DNAH10: variants seen among roughly 807,000 people sequenced by gnomAD.
DNAH10 encodes dynein axonemal heavy chain 10.
Under a neutral mutation model 506.6 loss-of-function variants are expected in DNAH10, and 348 were observed. The observed-to-expected ratio is 0.69, with a 90% CI of 0.63 to 0.75. The LOEUF is 0.75. Among genes scored for constraint, DNAH10 ranks in the 30% least tolerant of loss-of-function variants. The pLI is 0.00. For synonymous variants in DNAH10, 2,059 were observed against 2,198.6 expected (o/e 0.94, Z 1.78); for missense variants, 5,179 against 5,787.1 (o/e 0.89, Z 3.41).
At position 123,913,218 on chromosome 12, in the gene DNAH10, C is replaced by T; in HGVS notation, c.10255C>T (p.Leu3419=). 2 of 1,610,174 alleles carry T rather than the reference C, an allele frequency of 1.2e-6. No homozygotes were observed. Among genetic ancestry groups the T allele is most frequent in the African/African-American group, 1.3e-5 (1 of 74,992 alleles). The change falls in exon 60 of 79, where the codon CTG becomes TTG. Residue 3419 remains leucine, a synonymous_variant. Transcript: ENST00000673944. This position sits in a 1 kb window ranked among gnomAD's most constrained non-coding sequence, Gnocchi z 5.1. ...TLGAKYEAAI[L]EKQKLQEEAE... is the part of the protein sequence containing the mutation. ...GGGTGCCAAATATGAGGCCGCCATA[C>T]TGGAAAAGCAGAAGCTGCAGGAAGA...
chr12:123,776,436 A>AT (rs1188605767), intron 5 of DNAH10, among the ~76,000 whole-genome samples: 1 of 152,082 alleles, frequency 6.6e-6, no homozygotes, highest in Non-Finnish European at 1.5e-5. Flanking sequence ...CTAAAAAAAA[A>AT]TTTAAAAAAG....
intron 5 of DNAH10, among the ~76,000 whole-genome samples, chr12:123,779,485 G>A (rs907236143): frequency 1.3e-5 from 2 of 152,138 alleles, no homozygotes; most frequent in African/African-American, 2.4e-5. Flanking sequence ...TGAAATGTAC[G>A]GGATCATCTA....
Position 123,934,773 on chromosome 12 carries a change from G to A in DNAH10, c.13623+7G>A. The stretch of plus-strand genomic sequence containing the variant: ...CCATCGCCTCAAGCTGCAGGTGAAG[G>A]TCCCAGCCCCTCCTCTCTGACACCA... On this transcript the variant is annotated splice_region_variant and intron_variant, in intron 78 of 78. Coordinates refer to ENST00000673944, the MANE Select transcript of DNAH10 (RefSeq NM_001372106.1). 6.2e-7 allele frequency: 1 copy of A among 1,613,216 alleles called. No individual in the cohort carries two copies. Among genetic ancestry groups the A allele is most frequent in the African/African-American group, 1.3e-5 (1 of 75,042 alleles).
At chr12:123,841,773 C>G (rs1016929066) in intron 30 of DNAH10, among the ~76,000 whole-genome samples, 5 of 152,326 alleles carry the variant, frequency 3.3e-5, no homozygotes, top group Middle Eastern at 3.4e-3. Flanking sequence ...GCAGCCTTGA[C>G]CTCCCTGGTT....
chr12:123,831,109 G>C (rs766583371), intron 26 of DNAH10, among the ~76,000 whole-genome samples: 1 of 151,090 alleles, frequency 6.6e-6, no homozygotes, highest in Admixed American at 6.6e-5. Context: ...TTTTCTTATT[G>C]TTTCTTATTT....
At chr12:123,827,419 A>G (rs911792909) in intron 25 of DNAH10, among the ~76,000 whole-genome samples, 18 of 152,358 alleles carry the variant, frequency 1.2e-4, no homozygotes, top group African/African-American at 4.3e-4. Context: ...TTTTATATCT[A>G]TAGCCTATTT....
At chr12:123,882,789 CAAAAA>C (rs59295124) in intron 51 of DNAH10, among the ~76,000 whole-genome samples, 1 of 62,252 alleles carries the variant, frequency 1.6e-5, no homozygotes, top group African/African-American at 7.1e-5. Flanking sequence ...AAGACTCTGT[CAAAAA>C]AAAAAAAAAA....
chr12:123,768,042 C>T (rs1020734171), intron 2 of DNAH10, among the ~76,000 whole-genome samples: 2 of 152,112 alleles, frequency 1.3e-5, no homozygotes, highest in African/African-American at 4.8e-5. Context: ...TGGCCTGCAG[C>T]ATCATCACTC....
At position 123,875,381 on chromosome 12, in the gene DNAH10, A is replaced by C. The variant is rs767932524; in HGVS notation, c.8089A>C (p.Asn2697His). The C allele has an allele frequency of 3.1e-6, 5 of 1,614,036 alleles. No homozygotes were observed. The East Asian group carries it at 1.1e-4, about 36-fold the overall frequency. Residue 2697 changes from asparagine (N) to histidine (H), a missense_variant, in exon 47 of 79, where the codon AAT becomes CAT. Physicochemically the swap from Asn to His is moderately conservative, Grantham distance 68 (BLOSUM62 1). Coordinates refer to ENST00000673944, the MANE Select transcript of DNAH10 (RefSeq NM_001372106.1). The stretch of plus-strand genomic sequence containing the variant: ...AATGGGAAAGGCTGGAGGAGGCCGC[A>C]ATGAAGTTGACCCAAGATTTATTTC... ...AAMGKAGGGR[N>H]EVDPRFISLF... is the part of the protein sequence containing the mutation.
At chr12:123,858,823 A>G (rs1467637226) in intron 37 of DNAH10, among the ~76,000 whole-genome samples, 1 of 152,182 alleles carries the variant, frequency 6.6e-6, no homozygotes, top group Non-Finnish European at 1.5e-5. Context: ...AAGAAGCCAG[A>G]TGTGAGAGAT....
At chr12:123,848,560 G>A (rs925923086) in intron 33 of DNAH10, among the ~76,000 whole-genome samples, 170 bp from the exon 34 acceptor site, 1 of 152,226 alleles carries the variant, frequency 6.6e-6, no homozygotes, top group Non-Finnish European at 1.5e-5. Flanking sequence ...CCCATGAGGG[G>A]CCTTGGAAGT....
chr12:123,890,310 G>A (rs1057393405), intron 52 of DNAH10, among the ~76,000 whole-genome samples: 5 of 151,886 alleles, frequency 3.3e-5, no homozygotes, highest in African/African-American at 1.2e-4. Context: ...TTACTCTGTT[G>A]CCCAGGCCAG....
At position 123,925,918 on chromosome 12, in the gene DNAH10, A is replaced by G. The variant is rs1954921492; in HGVS notation, c.11921+714A>G. ...AATATCCCAATATCTTTGTGTTTGC[A>G]ATGAATTTTAAAACGCACATCTGGG... On this transcript the variant is annotated intron_variant, in intron 68 of 78. Transcript: ENST00000673944. The surrounding 1 kb of genome is among the most constrained non-coding windows in gnomAD (Gnocchi z 4.0). 1 of 152,172 alleles carries G rather than the reference A, an allele frequency of 6.6e-6. No homozygotes were observed. The highest frequency in any genetic ancestry group is 1.5e-5 in the Non-Finnish European group (1 of 68,048). 9.4% of individuals were successfully genotyped at this position (152,172 alleles called of 1,614,324 possible). A position where few individuals can be genotyped will look rare whatever the true frequency, so the allele number is the denominator to read the frequency against.
At chr12:123,798,243 G>A (rs1958351601) in intron 13 of DNAH10, among the ~76,000 whole-genome samples, 1 of 152,174 alleles carries the variant, frequency 6.6e-6, no homozygotes, top group African/African-American at 2.4e-5. Flanking sequence ...TAAAGAAACT[G>A]GGTAATTTAT....
intron 1 of DNAH10, among the ~76,000 whole-genome samples, chr12:123,765,537 C>G (rs561238422): frequency 1.4e-5 from 2 of 145,920 alleles, no homozygotes; most frequent in African/African-American, 5.5e-5. Flanking sequence ...ATCTGTCTCC[C>G]TACCTTCCTA....
chr12:123,855,598 C>T (rs940130839), intron 36 of DNAH10, among the ~76,000 whole-genome samples: 10 of 148,154 alleles, frequency 6.7e-5, no homozygotes, highest in African/African-American at 2.5e-4. Flanking sequence ...GGCACTATTA[C>T]ACTCCAGCCT....
rs780887556 is a variant in DNAH10, at chr12:123,929,284, G to A, written c.12316G>A (p.Glu4106Lys). The A allele has an allele frequency of 5.0e-6, 8 of 1,592,492 alleles. No homozygotes were observed. The Admixed American group carries it at 5.3e-5, about 11-fold the overall frequency. The change falls in exon 71 of 79, where the codon GAG (glutamate) becomes AAG (lysine). Residue 4106 changes from glutamate (E) to lysine (K), a missense_variant. Glu to Lys is a moderately conservative substitution (Grantham distance 56). Transcript: ENST00000673944. ...ILQKSLKVVTEPPNGLKLNMR... is the reference protein window; with the variant it reads ...ILQKSLKVVTKPPNGLKLNMR... ...TTCTTCTCTTCTGAAGGTTGTCACC[G>A]AGCCACCCAATGGGCTGAAACTCAA...
intron 13 of DNAH10, 53 bp from the exon 14 acceptor site, chr12:123,799,193 T>TC: frequency 6.5e-7 from 1 of 1,532,238 alleles, no homozygotes; most frequent in Non-Finnish European, 8.9e-7. Context: ...TAGAGCGAGA[T>TC]GAAAAATGTT....
rs1034410751 is a variant in DNAH10 at position 123,925,686 on chromosome 12, C to G, written c.11921+482C>G. 2 of 155,454 alleles carry G rather than the reference C, an allele frequency of 1.3e-5. No homozygotes were observed. The highest frequency in any genetic ancestry group is 2.4e-5 in the African/African-American group (1 of 41,468). The allele number at this position is 155,454 out of a possible 1,614,324, so 9.6% of individuals were successfully genotyped here. On this transcript the variant is annotated intron_variant, in intron 68 of 78. Coordinates refer to ENST00000673944, the MANE Select transcript of DNAH10 (RefSeq NM_001372106.1). The surrounding 1 kb of genome is among the most constrained non-coding windows in gnomAD (Gnocchi z 4.0). Reference sequence around the variant, plus strand: ...GACAATGTAGCTCTAGCATGGGGTACGAAGCCAGGCGGAGCGTGTGGGGCT... The same window carrying G: ...GACAATGTAGCTCTAGCATGGGGTAGGAAGCCAGGCGGAGCGTGTGGGGCT...
Sources: allele counts gnomAD v4.1 joint callset (sites outside exome capture counted in the v4.1 genomes callset), GRCh38; gene constraint gnomAD v4.1.1; non-coding constraint Gnocchi (gnomAD v3.1); transcripts MANE v1.5; gene names NCBI Gene and HGNC (gene_info 2026-07-23, HGNC 2026-07-21).